Variants in ZNF407 observed in about 807,000 individuals in gnomAD.
The protein encoded by ZNF407 is zinc finger protein 407.
Under a neutral mutation model 131.2 loss-of-function variants are expected in ZNF407, and 17 were observed. The ratio of observed to expected loss-of-function variants is 0.13; its 90% CI spans 0.09 to 0.19. ZNF407 has a LOEUF of 0.19. Among genes scored for constraint, ZNF407 ranks in the 10% least tolerant of loss-of-function variants. The probability of loss-of-function intolerance (pLI) is 1.00; values close to 1 mark genes in which losing one functional copy is unlikely to be tolerated. For synonymous variants in ZNF407, 1,156 were observed against 1,062.0 expected (o/e 1.09, Z -1.72); for missense variants, 2,681 against 2,830.6 (o/e 0.95, Z 1.20).
rs114772963 is a variant in ZNF407, at chr18:74,716,372, C to T, written c.4803-65056C>T. ...CTTATATTCCTCTTATTTCTAGTAT[C>T]ACAGCAGACATTTTGTGTGTGTGTG... On this transcript the variant is annotated intron_variant, in intron 3 of 8. Transcript: ENST00000299687. Among the ~76,000 whole-genome samples, 326 of 152,264 alleles carry T rather than the reference C, an allele frequency of 2.1e-3. 1 individual carries two copies. The highest frequency in any genetic ancestry group is 7.3e-3 in the African/African-American group (302 of 41,542).
intron 3 of ZNF407, among the ~76,000 whole-genome samples, chr18:74,712,763 A>G (rs7226680): frequency 0.69 from 104,949 of 152,068 alleles, 37,155 homozygotes; most frequent in East Asian, 0.85. Context: ...ATGAATTTGT[A>G]GAAGCATTGA....
chr18:74,811,895 G>T lies in ZNF407; in HGVS notation c.4877+30393G>T, dbSNP rs9965881. Among the ~76,000 whole-genome samples, 1,063 of 147,908 alleles carry T rather than the reference G, an allele frequency of 7.2e-3. 7 individuals carry two copies. The highest frequency in any genetic ancestry group is 0.011 in the Non-Finnish European group (731 of 67,404). ...GTTGTGGGGTAAGGGGAAGGGGGAG[G>T]GGGGAGGGATAGCATTAGGAGATAT... is the stretch of plus-strand genomic sequence containing the variant. On this transcript the variant is annotated intron_variant, in intron 4 of 8. Transcript: ENST00000299687.
intron 6 of ZNF407, among the ~76,000 whole-genome samples, chr18:74,884,003 C>CT (rs1282423970): frequency 6.6e-6 from 1 of 152,086 alleles, no homozygotes; most frequent in Non-Finnish European, 1.5e-5. Context: ...TTGAGAGTAG[C>CT]CAATATCTTA....
chr18:74,984,399 A>G (rs373685994), intron 8 of ZNF407, among the ~76,000 whole-genome samples: 1 of 152,238 alleles, frequency 6.6e-6, no homozygotes. Flanking sequence ...AAGATCAGCA[A>G]GTTAAAAGTT....
chr18:74,695,880 T>C (rs1336732306), intron 3 of ZNF407, among the ~76,000 whole-genome samples: 1 of 152,212 alleles, frequency 6.6e-6, no homozygotes, highest in Non-Finnish European at 1.5e-5. Flanking sequence ...AAAGAAGAGA[T>C]CTACATAAAT....
chr18:74,635,591 T>G lies in ZNF407; in HGVS notation c.4572T>G (p.Thr1524=), dbSNP rs114095914. ...REVNKYIVED[T]EQINREREEN... ...TGAATAAGTATATAGTGGAAGACACTGAGCAAATCAACCGCGAGAGGGAGG... is the reference window on the plus strand; with the variant it reads ...TGAATAAGTATATAGTGGAAGACACGGAGCAAATCAACCGCGAGAGGGAGG... The change falls in exon 2 of 9, where the codon ACT becomes ACG. Residue 1524 remains threonine (T), a synonymous_variant. Transcript: ENST00000299687. This position sits in a 1 kb window ranked among gnomAD's most constrained non-coding sequence, Gnocchi z 4.7. 1.3e-3 allele frequency: 2,018 copies of G among 1,614,002 alleles called. 21 individuals carry two copies. The African/African-American group carries it at 0.023, about 18-fold the overall frequency.
At position 75,063,205 on chromosome 18, in the gene ZNF407, G is replaced by T; in HGVS notation, c.5484G>T (p.Val1828=). The change falls in exon 9 of 9, where the codon GTG becomes GTT. Residue 1828 remains valine, a synonymous_variant. Coordinates refer to ENST00000299687, the MANE Select transcript of ZNF407 (RefSeq NM_017757.3). This position sits in a 1 kb window ranked among gnomAD's most constrained non-coding sequence, Gnocchi z 6.6. ...CRLKGQGATF[V]ETDSPFTAAA... is the part of the protein sequence containing the mutation. ...TAAAGGGACAAGGAGCCACCTTCGT[G>T]GAGACAGACAGCCCCTTCACCGCGG... is the stretch of plus-strand genomic sequence containing the variant. 6.2e-7 allele frequency: 1 copy of T among 1,611,510 alleles called. No individual in the cohort carries two copies.
At chr18:74,834,840 C>T (rs1018446943) in intron 4 of ZNF407, among the ~76,000 whole-genome samples, 2 of 152,150 alleles carry the variant, frequency 1.3e-5, no homozygotes, top group African/African-American at 4.8e-5. Flanking sequence ...CTGTTAGATG[C>T]CTTCCAGAGT....
intron 4 of ZNF407, among the ~76,000 whole-genome samples, chr18:74,872,262 T>C (rs1283528006): frequency 1.3e-5 from 2 of 151,992 alleles, no homozygotes; most frequent in Non-Finnish European, 2.9e-5. Flanking sequence ...CTGTTTATTT[T>C]GTTGCAACAT....
chr18:74,957,080 G>C (rs755525817), intron 8 of ZNF407, among the ~76,000 whole-genome samples: 8 of 152,174 alleles, frequency 5.3e-5, no homozygotes, highest in African/African-American at 9.7e-5. Flanking sequence ...GAACTTAAGA[G>C]AAAGTCCTGA....
rs147337599 is a variant in ZNF407 at position 74,694,068 on chromosome 18, A to T, written c.4802+52946A>T. On this transcript the variant is annotated intron_variant, in intron 3 of 8. Transcript: ENST00000299687. ...TGGGTTACATTTCGTTGCTTGTTTG[A>T]ATCTCTAGTAGTTATTGACTGGAGG... Among the ~76,000 whole-genome samples the T allele has an allele frequency of 3.7e-3, 564 of 152,266 alleles. 2 individuals carry two copies. The highest frequency in any genetic ancestry group is 6.6e-3 in the South Asian group (32 of 4,824).
chr18:74,740,796 G>A (rs2144919122), intron 3 of ZNF407, among the ~76,000 whole-genome samples: 1 of 152,194 alleles, frequency 6.6e-6, no homozygotes, highest in Non-Finnish European at 1.5e-5. Context: ...TTCCCTGCTG[G>A]GAGGTAAGTA....
chr18:74,780,262 A>C (rs565507865), intron 3 of ZNF407, among the ~76,000 whole-genome samples: 1 of 152,318 alleles, frequency 6.6e-6, no homozygotes, highest in Non-Finnish European at 1.5e-5. Context: ...TATGAAATTA[A>C]ACAAAATAAA....
intron 8 of ZNF407, among the ~76,000 whole-genome samples, chr18:75,018,080 A>G (rs1973065984): frequency 6.6e-6 from 1 of 152,218 alleles, no homozygotes. Flanking sequence ...TGATATTTGC[A>G]CAATAGAATT....
intron 4 of ZNF407, among the ~76,000 whole-genome samples, chr18:74,818,949 C>T: frequency 6.7e-6 from 1 of 148,980 alleles, no homozygotes; most frequent in East Asian, 2.0e-4. Context: ...AACAATTTTT[C>T]TCTCTGTCTC....
intron 3 of ZNF407, among the ~76,000 whole-genome samples, chr18:74,643,333 T>A (rs951049387): frequency 6.6e-6 from 1 of 152,066 alleles, no homozygotes; most frequent in African/African-American, 2.4e-5. Context: ...TGCTATAAAT[T>A]TTACCTTTTA....
intron 4 of ZNF407, among the ~76,000 whole-genome samples, chr18:74,789,294 C>A (rs1969780346): frequency 6.6e-6 from 1 of 152,038 alleles, no homozygotes; most frequent in Non-Finnish European, 1.5e-5. Flanking sequence ...TTCCAGGTTC[C>A]CTGAGAGGTG....
chr18:74,615,374 G>A (rs541267592), intron 1 of ZNF407, among the ~76,000 whole-genome samples: 6 of 152,250 alleles, frequency 3.9e-5, no homozygotes, highest in Non-Finnish European at 7.4e-5. Context: ...TTGTGGTGGC[G>A]CACGCCTGTA....
intron 8 of ZNF407, among the ~76,000 whole-genome samples, chr18:75,019,037 A>C (rs528854173): frequency 3.3e-4 from 50 of 152,260 alleles, no homozygotes; most frequent in African/African-American, 1.0e-3. Context: ...TTAAAAGACT[A>C]TACAGTATTA....
Sources: gnomAD v4.1 joint callset for allele counts (sites outside exome capture counted in the v4.1 genomes callset) on GRCh38, gnomAD v4.1.1 for gene constraint, Gnocchi (gnomAD v3.1) non-coding constraint, MANE v1.5 for transcripts, NCBI Gene and HGNC (gene_info 2026-07-23, HGNC 2026-07-21) for gene names.